The following SDCCAG8 variants were observed in gnomAD, a reference collection of about 807,000 sequenced individuals.
SDCCAG8 encodes SHH signaling and ciliogenesis regulator SDCCAG8.
Under a neutral mutation model 101.8 loss-of-function variants are expected in SDCCAG8, and 74 were observed. That is an observed-to-expected ratio of 0.73 (90% CI 0.60 to 0.88). SDCCAG8 has a LOEUF of 0.88. Ranked by LOEUF, SDCCAG8 falls within the 40% of genes least tolerant of loss-of-function variation. SDCCAG8 has a pLI of 0.00. For synonymous variants in SDCCAG8, 281 were observed against 292.9 expected (o/e 0.96, Z 0.41); for missense variants, 787 against 822.6 (o/e 0.96, Z 0.53).
At chr1:243,487,958 C>G (rs1046385068) in intron 16 of SDCCAG8, 1 of 152,622 alleles carries the variant, frequency 6.6e-6, no homozygotes, top group Non-Finnish European at 1.5e-5. Flanking sequence ...GGAGGCTGAG[C>G]AGGGCGATGG....
At chr1:243,311,011 C>T (rs1337622010) in intron 8 of SDCCAG8, among the ~76,000 whole-genome samples, 2 of 152,196 alleles carry the variant, frequency 1.3e-5, no homozygotes, top group Non-Finnish European at 2.9e-5. Flanking sequence ...GGTGGAAATA[C>T]TTTGGAAGTA....
rs766547040 is a variant in SDCCAG8, at chr1:243,378,829, C to T, written c.1582C>T (p.Leu528=). 1.2e-6 allele frequency: 2 copies of T among 1,614,084 alleles called. No homozygotes were observed. The highest frequency in any genetic ancestry group is 1.6e-4 in the Middle Eastern group (1 of 6,062). Residue 528 remains leucine, a synonymous_variant, in exon 13 of 18, where the codon CTG becomes TTG. Transcript: ENST00000366541. ...GGAGTGCCTGAGACTAACAGAACTG[C>T]TGGGCGAATCTGAGCACCAACTGCA... ...REECLRLTEL[L]GESEHQLHLT...
At chr1:243,447,441 C>T (rs2083011484) in intron 16 of SDCCAG8, among the ~76,000 whole-genome samples, 1 of 151,820 alleles carries the variant, frequency 6.6e-6, no homozygotes, top group Admixed American at 6.6e-5. Context: ...TCTGAGCATC[C>T]ATTCTATTTT....
Position 243,448,009 on chromosome 1 carries a change from A to T in SDCCAG8, c.1985+21451A>T, listed in dbSNP as rs149172578. 2.0e-3 allele frequency among the ~76,000 whole-genome samples: 311 copies of T among 152,102 alleles called. 1 individual carries two copies. Among genetic ancestry groups the T allele is most frequent in the African/African-American group, 6.9e-3 (287 of 41,496 alleles). ...CCTTCCTGTCCCAACCGTGGCTTTTATTTTGGCTTTATTTCCCTTATAGCA... is the reference window on the plus strand; with the variant it reads ...CCTTCCTGTCCCAACCGTGGCTTTTTTTTTGGCTTTATTTCCCTTATAGCA... On this transcript the variant is annotated intron_variant, in intron 16 of 17. Coordinates refer to ENST00000366541, the MANE Select transcript of SDCCAG8 (RefSeq NM_006642.5).
chr1:243,334,819 G>A (rs1202486254), intron 10 of SDCCAG8, among the ~76,000 whole-genome samples: 2 of 152,078 alleles, frequency 1.3e-5, no homozygotes, highest in Non-Finnish European at 2.9e-5. Context: ...AACTCCTGGG[G>A]TCAAGCAATG....
intron 1 of SDCCAG8, among the ~76,000 whole-genome samples, chr1:243,259,619 A>C (rs1188764340): frequency 6.6e-6 from 1 of 151,984 alleles, no homozygotes; most frequent in African/African-American, 2.4e-5. Flanking sequence ...CTGGAGTTCG[A>C]GAACAGCCTG....
intron 17 of SDCCAG8, among the ~76,000 whole-genome samples, chr1:243,495,271 C>T (rs1399842889): frequency 1.3e-5 from 2 of 152,232 alleles, no homozygotes; most frequent in African/African-American, 4.8e-5. Flanking sequence ...CCGCCAAGTC[C>T]AGCTCGAGAT....
intron 13 of SDCCAG8, among the ~76,000 whole-genome samples, chr1:243,379,654 A>G (rs2077821159): frequency 6.6e-6 from 1 of 152,194 alleles, no homozygotes; most frequent in Non-Finnish European, 1.5e-5. Context: ...TTTGAGTTTT[A>G]TTACGATTTT....
chr1:243,445,124 T>G (rs2082810873), intron 16 of SDCCAG8, among the ~76,000 whole-genome samples: 1 of 152,234 alleles, frequency 6.6e-6, no homozygotes, highest in Non-Finnish European at 1.5e-5. Flanking sequence ...CAAATATTAT[T>G]TTCTAATGTA....
chr1:243,466,662 T>C (rs909199032), intron 16 of SDCCAG8, among the ~76,000 whole-genome samples: 4 of 152,184 alleles, frequency 2.6e-5, no homozygotes, highest in Admixed American at 2.6e-4. Flanking sequence ...GGTGAATTGT[T>C]TAAAGTGTCC....
At chr1:243,299,181 T>G (rs932016246) in intron 6 of SDCCAG8, among the ~76,000 whole-genome samples, 5 of 152,216 alleles carry the variant, frequency 3.3e-5, no homozygotes, top group African/African-American at 1.2e-4. Context: ...AAATGACACA[T>G]ATCTTCCAAA....
At chr1:243,300,828 C>T (rs2071425546) in intron 6 of SDCCAG8, among the ~76,000 whole-genome samples, 2 of 152,012 alleles carry the variant, frequency 1.3e-5, no homozygotes, top group African/African-American at 4.8e-5. Flanking sequence ...AACAGTTGGC[C>T]CTTGAATAAG....
At chr1:243,301,115 G>A (rs145575612) in intron 6 of SDCCAG8, among the ~76,000 whole-genome samples, 1 of 152,112 alleles carries the variant, frequency 6.6e-6, no homozygotes, top group African/African-American at 2.4e-5. Flanking sequence ...TGTACACGGA[G>A]TCATTCTCAG....
At chr1:243,373,052 G>A (rs908086965) in intron 12 of SDCCAG8, among the ~76,000 whole-genome samples, 2 of 151,560 alleles carry the variant, frequency 1.3e-5, no homozygotes, top group Admixed American at 6.6e-5. Context: ...CACATAGTAA[G>A]AGTTAATATT....
chr1:243,382,733 A>G (rs2078034812), intron 13 of SDCCAG8, among the ~76,000 whole-genome samples: 1 of 152,230 alleles, frequency 6.6e-6, no homozygotes, highest in African/African-American at 2.4e-5. Context: ...GATGACTGGC[A>G]GGGACCCCAG....
At chr1:243,447,986 T>G (rs2083062728) in intron 16 of SDCCAG8, among the ~76,000 whole-genome samples, 1 of 152,190 alleles carries the variant, frequency 6.6e-6, no homozygotes, top group Admixed American at 6.5e-5. Flanking sequence ...TCTTTCACCC[T>G]TCCTGTCCCA....
In SDCCAG8 at chr1:243,316,656, T is replaced by C; in HGVS notation, c.930-99T>C. 3.5e-6 allele frequency: 5 copies of C among 1,442,518 alleles called. No homozygotes were observed. The South Asian group carries it at 5.8e-5, about 17-fold the overall frequency. The allele number at this position is 1,442,518 out of a possible 1,614,324, so 89.4% of individuals were successfully genotyped here. On this transcript the variant is annotated intron_variant, in intron 8 of 17. Coordinates refer to ENST00000366541, the MANE Select transcript of SDCCAG8 (RefSeq NM_006642.5). ...TCATATGTGCTCAGCCGGCCTACCC[T>C]GGCTCTTCTAATACATATTAATGCT...
intron 16 of SDCCAG8, among the ~76,000 whole-genome samples, chr1:243,441,050 C>T (rs1044697306): frequency 2.0e-5 from 3 of 152,112 alleles, no homozygotes; most frequent in African/African-American, 4.8e-5. Flanking sequence ...CCATTTTCTC[C>T]TTCTTATCTA....
intron 16 of SDCCAG8, among the ~76,000 whole-genome samples, chr1:243,457,137 C>T (rs1048765073): frequency 2.6e-4 from 39 of 152,004 alleles, no homozygotes; most frequent in African/African-American, 9.4e-4. Context: ...GTTGAGTGCA[C>T]CTTATTTTGT....
Sources: allele counts gnomAD v4.1 joint callset (sites outside exome capture counted in the v4.1 genomes callset), GRCh38; gene constraint gnomAD v4.1.1; transcripts MANE v1.5; gene names NCBI Gene and HGNC (gene_info 2026-07-23, HGNC 2026-07-21).